Variants in BIRC6 observed in about 807,000 individuals in gnomAD.
BIRC6 encodes the protein baculoviral IAP repeat containing 6, also known as dual E2 ubiquitin-conjugating enzyme/E3 ubiquitin-protein ligase BIRC6.
A neutral mutation model predicts 503.3 loss-of-function variants in BIRC6; 98 were observed. That is an observed-to-expected ratio of 0.19 (90% CI 0.17 to 0.23). The LOEUF (loss-of-function observed/expected upper bound fraction) is 0.23. BIRC6 is among the 10% of genes least tolerant of loss of function. BIRC6 has a pLI of 1.00. For missense variants in BIRC6, 5,360 were observed against 5,806.0 expected, an observed-to-expected ratio of 0.92 and a Z score of 2.50; for synonymous variants, 2,240 against 2,078.7, an observed-to-expected ratio of 1.08 and a Z score of -2.11.
Position 32,611,560 on chromosome 2 carries a change from C to G in BIRC6, c.14372C>G (p.Ser4791Cys), listed in dbSNP as rs2062873996. 6.3e-7 allele frequency: 1 copy of G among 1,591,366 alleles called. No homozygotes were observed. Among genetic ancestry groups the G allele is most frequent in the African/African-American group, 1.3e-5 (1 of 74,412 alleles). Residue 4791 changes from serine to cysteine, a missense_variant, in exon 73 of 74, where the codon TCT (serine) becomes TGT (cysteine). By Grantham distance (112) the Ser-to-Cys change is moderately radical. Around this residue, in one of 16 missense-constraint regions of BIRC6, gnomAD observed 140 missense variants for 130.2 expected, o/e 1.07. Transcript: ENST00000421745. ...SSDKRVGRTM[S>C]HHAAALKRHT... ...GATAAGCGGGTAGGCAGGACTATGT[C>G]TCACCATGCAGCAGCTCTCAAGGTG...
In BIRC6 at chr2:32,464,835, T is replaced by C. The variant is rs2048353035; in HGVS notation, c.5256+12T>C. On this transcript the variant is annotated intron_variant, in intron 25 of 73. Coordinates refer to ENST00000421745, the MANE Select transcript of BIRC6 (RefSeq NM_016252.4). ...ACAAGTCCAGAATGGTAAATTATGT[T>C]TTAAATAGGTGTTGGCTTAGACATT... is the stretch of plus-strand genomic sequence containing the variant. The C allele has an allele frequency of 6.3e-7, 1 of 1,590,452 alleles. No homozygotes were observed. The highest frequency in any genetic ancestry group is 8.6e-7 in the Non-Finnish European group (1 of 1,167,330).
Position 32,481,359 on chromosome 2 carries a change from T to G in BIRC6, c.7448T>G (p.Ile2483Ser). Residue 2483 changes from isoleucine to serine, a missense_variant, in exon 38 of 74, where the codon ATT becomes AGT. Ile to Ser is a moderately radical substitution (Grantham distance 142). Coordinates refer to ENST00000421745, the MANE Select transcript of BIRC6 (RefSeq NM_016252.4). Reference sequence around the variant, plus strand: ...TCCTCTTTGGAAAAAGATAAAGAAATTGACCTTGAGTTACTTCAGGATCTA... The same window carrying G: ...TCCTCTTTGGAAAAAGATAAAGAAAGTGACCTTGAGTTACTTCAGGATCTA... ...PLSSLEKDKE[I>S]DLELLQDLME... 4.3e-6 allele frequency: 7 copies of G among 1,610,702 alleles called. No homozygotes were observed. Among genetic ancestry groups the G allele is most frequent in the Non-Finnish European group, 5.9e-6 (7 of 1,178,060 alleles).
At chr2:32,436,020 AT>A in intron 14 of BIRC6, 32 bp from the exon 15 acceptor site, 1 of 1,267,328 alleles carries the variant, frequency 7.9e-7, no homozygotes, top group Non-Finnish European at 1.0e-6. Context: ...AAATGAATGA[AT>A]TTAAAAGAAA....
At chr2:32,539,513 C>T (rs940862026) in intron 61 of BIRC6, among the ~76,000 whole-genome samples, 6 of 152,008 alleles carry the variant, frequency 3.9e-5, no homozygotes, top group African/African-American at 1.4e-4. Flanking sequence ...AATTGGAAAC[C>T]AATAGCGGTA....
chr2:32,375,334 C>A (rs2036581712), intron 1 of BIRC6, among the ~76,000 whole-genome samples: 1 of 152,084 alleles, frequency 6.6e-6, no homozygotes, highest in African/African-American at 2.4e-5. Flanking sequence ...TGTTCCTGAT[C>A]TGTATGGGAA....
At position 32,448,881 on chromosome 2, in the gene BIRC6, G is replaced by A; in HGVS notation, c.4571G>A (p.Ser1524Asn). ...TCTTGTAAAAATGTTTATAACAGCA[G>A]CATTGGTGTCCAGTCAGATGAAATT... is the stretch of plus-strand genomic sequence containing the variant. The part of the protein sequence containing the change: ...GSSCKNVYNS[S>N]IGVQSDEIDL... The change falls in exon 22 of 74, where the codon AGC becomes AAC. Residue 1524 changes from serine (S) to asparagine (N), a missense_variant. Transcript: ENST00000421745. 1.2e-6 allele frequency: 2 copies of A among 1,613,640 alleles called. No homozygotes were observed. The highest frequency in any genetic ancestry group is 1.1e-5 in the South Asian group (1 of 91,038).
Position 32,401,632 on chromosome 2 carries a change from G to C in BIRC6, c.1418+9G>C, listed in dbSNP as rs1044592030. On this transcript the variant is annotated intron_variant, in intron 8 of 73. Coordinates refer to ENST00000421745, the MANE Select transcript of BIRC6 (RefSeq NM_016252.4). ...AAATTGGAAGGAGATAGGTATGTGAGTTTGTTTTAGTAGTATTTAATAGAT... is the reference window on the plus strand; with the variant it reads ...AAATTGGAAGGAGATAGGTATGTGACTTTGTTTTAGTAGTATTTAATAGAT... 1 of 1,606,916 alleles carries C rather than the reference G, an allele frequency of 6.2e-7. No individual in the cohort carries two copies. Among genetic ancestry groups the C allele is most frequent in the Admixed American group, 1.7e-5 (1 of 57,888 alleles).
chr2:32,469,288 T>G, intron 29 of BIRC6, 107 bp from the exon 30 acceptor site: 1 of 813,894 alleles, frequency 1.2e-6, no homozygotes, highest in Non-Finnish European at 1.9e-6. Flanking sequence ...TAGAATATAA[T>G]TATCTACTGA....
intron 9 of BIRC6, among the ~76,000 whole-genome samples, chr2:32,410,770 G>A (rs1558649436): frequency 1.3e-5 from 2 of 151,110 alleles, no homozygotes; most frequent in East Asian, 2.0e-4. Flanking sequence ...GCGCGATCTC[G>A]GCTCACTGCA....
intron 71 of BIRC6, among the ~76,000 whole-genome samples, chr2:32,607,184 TATTATTATC>T (rs2062528984): frequency 8.4e-6 from 1 of 118,966 alleles, no homozygotes; most frequent in Non-Finnish European, 1.8e-5. Flanking sequence ...TATCTATTAT[TATTATTATC>T]ATCTATCTTC....
In BIRC6 at chr2:32,597,987, A is replaced by G; in HGVS notation, c.13830+19A>G. ...CATGAAGGTAAAAAATAATGATAAT[A>G]AAGCACTCTCCCTTATCTCCTTGGC... On this transcript the variant is annotated intron_variant, in intron 69 of 73. Coordinates refer to ENST00000421745, the MANE Select transcript of BIRC6 (RefSeq NM_016252.4). The G allele has an allele frequency of 6.3e-7, 1 of 1,581,274 alleles. No individual in the cohort carries two copies. The highest frequency in any genetic ancestry group is 8.6e-7 in the Non-Finnish European group (1 of 1,160,200).
At chr2:32,545,540 A>C (rs922061077) in intron 62 of BIRC6, 103 bp from the exon 63 acceptor site, 1 of 926,756 alleles carries the variant, frequency 1.1e-6, no homozygotes, top group East Asian at 2.4e-5. Flanking sequence ...TTAGTGGTAT[A>C]CTTTTGTATT....
chr2:32,563,893 A>T (rs1339861040), intron 65 of BIRC6: 1 of 152,256 alleles, frequency 6.6e-6, no homozygotes, highest in African/African-American at 2.4e-5. Flanking sequence ...AGCCTGGCCA[A>T]CATGGTGAAC....
chr2:32,503,338 CTA>C, intron 49 of BIRC6, 102 bp downstream of exon 49: 1 of 925,150 alleles, frequency 1.1e-6, no homozygotes, highest in Non-Finnish European at 1.6e-6. Context: ...TTATATATCA[CTA>C]TTTTAATTAC....
chr2:32,415,570 T>G lies in BIRC6; in HGVS notation c.2279T>G (p.Ile760Arg). 6.2e-7 allele frequency: 1 copy of G among 1,613,968 alleles called. No homozygotes were observed. ...TGCCCTGTTGAATCCTTGAGTGCAA[T>G]AAATCAAGTAGAGGCCTTGAATAAT... ...RTCPVESLSA[I>R]NQVEALNNLN... The change falls in exon 10 of 74, where the codon ATA (isoleucine) becomes AGA (arginine). Residue 760 changes from isoleucine to arginine, a missense_variant. Physicochemically the swap from Ile to Arg is moderately conservative, Grantham distance 97. Around this residue, in one of 16 missense-constraint regions of BIRC6, gnomAD observed 700 missense variants for 739.3 expected, o/e 0.95. Coordinates refer to ENST00000421745, the MANE Select transcript of BIRC6 (RefSeq NM_016252.4).
intron 22 of BIRC6, among the ~76,000 whole-genome samples, chr2:32,451,276 C>G (rs2046697926): frequency 6.6e-6 from 1 of 152,176 alleles, no homozygotes; most frequent in African/African-American, 2.4e-5. Flanking sequence ...TTCCTTGCCA[C>G]TTTATCTTGT....
At chr2:32,565,163 C>G (rs758103261) in intron 65 of BIRC6, 1 of 152,096 alleles carries the variant, frequency 6.6e-6, no homozygotes, top group Non-Finnish European at 1.5e-5. Context: ...TTCTCATAAA[C>G]CAAGTAAAAT....
intron 65 of BIRC6, chr2:32,565,900 C>G (rs1439464982): frequency 6.6e-6 from 1 of 152,122 alleles, no homozygotes; most frequent in Non-Finnish European, 1.5e-5. Context: ...GAGGTAACCA[C>G]CCCCATGATT....
chr2:32,405,189 C>G (rs2041059445), intron 8 of BIRC6, among the ~76,000 whole-genome samples: 1 of 152,148 alleles, frequency 6.6e-6, no homozygotes, highest in South Asian at 2.1e-4. Flanking sequence ...TGGACTTCTT[C>G]ATTCTTGATA....
Sources: allele counts gnomAD v4.1 joint callset (sites outside exome capture counted in the v4.1 genomes callset), GRCh38; gene constraint gnomAD v4.1.1; regional missense constraint gnomAD v4.1.1; transcripts MANE v1.5; gene names NCBI Gene and HGNC (gene_info 2026-07-23, HGNC 2026-07-21).